The following TRRAP variants were observed in gnomAD, a reference collection of about 807,000 sequenced individuals.
TRRAP encodes the protein transformation/transcription domain-associated protein.
TRRAP carries 41 observed loss-of-function variants against 438.8 expected under a neutral mutation model. The observed-to-expected ratio is 0.09, with a 90% CI of 0.07 to 0.12. The LOEUF is 0.12. Among genes scored for constraint, TRRAP ranks in the 10% least tolerant of loss-of-function variants. The pLI is 1.00. For synonymous variants in TRRAP, 1,994 were observed against 1,962.9 expected, an observed-to-expected ratio of 1.02 and a Z score of -0.42; for missense variants, 3,122 against 5,055.1, an observed-to-expected ratio of 0.62 and a Z score of 11.60.
chr7:98,895,118 C>T (rs540382116), intron 6 of TRRAP, among the ~76,000 whole-genome samples: 22 of 152,116 alleles, frequency 1.4e-4, no homozygotes, highest in Non-Finnish European at 2.5e-4. Context: ...GTTGCCCAGG[C>T]TGGTCTCAAA....
chr7:98,966,700 T>C (rs562101604), intron 49 of TRRAP, among the ~76,000 whole-genome samples: 1 of 152,144 alleles, frequency 6.6e-6, no homozygotes, highest in East Asian at 1.9e-4. Context: ...AAAAAAAAAG[T>C]TGTTAAATGA....
intron 63 of TRRAP, among the ~76,000 whole-genome samples, chr7:98,989,774 A>T (rs996226691): frequency 6.6e-6 from 1 of 152,190 alleles, no homozygotes. Flanking sequence ...CGGGGTGATG[A>T]GCATCTGAGA....
chr7:98,932,860 G>C (rs1360645850), intron 26 of TRRAP, among the ~76,000 whole-genome samples: 1 of 152,100 alleles, frequency 6.6e-6, no homozygotes, highest in African/African-American at 2.4e-5. Context: ...GACACAGAGG[G>C]CTAGCTCTAC....
At chr7:98,985,106 T>G (rs1205322657) in intron 62 of TRRAP, 62 bp downstream of exon 62, 1 of 1,242,874 alleles carries the variant, frequency 8.0e-7, no homozygotes. Context: ...AAGTTATTTA[T>G]AACCTGAAGC....
At chr7:98,887,799 TG>T (rs1410842995) in intron 3 of TRRAP, among the ~76,000 whole-genome samples, 1 of 151,656 alleles carries the variant, frequency 6.6e-6, no homozygotes, top group African/African-American at 2.4e-5. Context: ...GATTTTTGAC[TG>T]TTTCACTGTC....
At chr7:98,993,760 A>G (rs749489366) in intron 66 of TRRAP, 23 bp downstream of exon 66, 34 of 1,612,648 alleles carry the variant, frequency 2.1e-5, no homozygotes, top group Non-Finnish European at 2.8e-5. Flanking sequence ...GATCTTGCAC[A>G]TGGTGGCTCC....
At chr7:98,935,166 T>C (rs10487144) in intron 27 of TRRAP, among the ~76,000 whole-genome samples, 4,855 of 152,210 alleles carry the variant, frequency 0.032, 84 homozygotes, top group South Asian at 0.053. Flanking sequence ...CACTTAAATA[T>C]TTGAATTATA....
intron 31 of TRRAP, among the ~76,000 whole-genome samples, chr7:98,945,316 C>T (rs1790999525): frequency 6.6e-6 from 1 of 152,200 alleles, no homozygotes; most frequent in Non-Finnish European, 1.5e-5. Flanking sequence ...CCATTGGGTG[C>T]GGTGATGGCC....
intron 1 of TRRAP, 65 bp from the exon 2 acceptor site, chr7:98,881,025 A>AT: frequency 1.6e-6 from 1 of 628,578 alleles, no homozygotes; most frequent in Non-Finnish European, 2.6e-6. Context: ...TTTAGGTAAG[A>AT]TTTTCACAGA....
rs1796288995 is a variant in TRRAP, at chr7:98,897,819, A to G, written c.586A>G (p.Ile196Val). The G allele has an allele frequency of 1.2e-6, 2 of 1,613,946 alleles. No homozygotes were observed. The highest frequency in any genetic ancestry group is 1.7e-6 in the Non-Finnish European group (2 of 1,180,026). The change falls in exon 8 of 73, where the codon ATT becomes GTT. Residue 196 changes from isoleucine (I) to valine (V), a missense_variant. Ile to Val is a conservative substitution (Grantham distance 29, BLOSUM62 3). This residue lies in a region of TRRAP where 343 missense variants were observed against 564.0 expected (regional missense o/e 0.61). Transcript: ENST00000456197. ...PPEMVGMITT[I>V]AVKVNPERED... Reference sequence around the variant, plus strand: ...AGAAATGGTTGGTATGATAACAACGATTGCTGTGAAAGTCAACCCGGAGCG... The same window carrying G: ...AGAAATGGTTGGTATGATAACAACGGTTGCTGTGAAAGTCAACCCGGAGCG...
At chr7:98,965,995 T>G (rs1237819830) in intron 49 of TRRAP, 100 bp downstream of exon 49, 9 of 1,358,014 alleles carry the variant, frequency 6.6e-6, no homozygotes, top group Non-Finnish European at 8.2e-6. Context: ...AACATTTTTT[T>G]CTGCTGTAAT....
In TRRAP at chr7:98,953,346, C is replaced by T. The variant is rs375782722; in HGVS notation, c.5643C>T (p.Cys1881=). The T allele has an allele frequency of 5.8e-5, 93 of 1,613,846 alleles. No homozygotes were observed. Among genetic ancestry groups the T allele is most frequent in the Middle Eastern group, 4.9e-4 (3 of 6,084 alleles). ...FAWPCLLSKA[C]VDPACKYSGH... ...GGCCCTGCCTGCTCTCCAAGGCCTG[C>T]GTGGACCCAGCCTGCAAGTACAGCG... The change falls in exon 40 of 73, where the codon TGC becomes TGT. Residue 1881 remains cysteine (C), a synonymous_variant. Transcript: ENST00000456197.
chr7:98,879,345 G>A (rs1413662466), intron 1 of TRRAP, among the ~76,000 whole-genome samples: 15 of 152,252 alleles, frequency 9.9e-5, no homozygotes, highest in Admixed American at 9.8e-4. Context: ...GAAGGGGGAA[G>A]TTTGGACAGG....
chr7:98,962,288 C>T lies in TRRAP; in HGVS notation c.6704-14C>T. On this transcript the variant is annotated splice_polypyrimidine_tract_variant and intron_variant, in intron 46 of 72. Transcript: ENST00000456197. ...AGCCATAACCACAGTGCCTGGGTCC[C>T]TGCCCTGTTGTAGGTACTTCCAGTG... 5 of 1,614,088 alleles carry T rather than the reference C, an allele frequency of 3.1e-6. No individual in the cohort carries two copies. The highest frequency in any genetic ancestry group is 4.2e-6 in the Non-Finnish European group (5 of 1,179,960).
rs782293175 is a variant in TRRAP, at chr7:98,931,559, T to C, written c.3746T>C (p.Val1249Ala). The C allele has an allele frequency of 1.4e-5, 23 of 1,614,158 alleles. No homozygotes were observed. Among genetic ancestry groups the C allele is most frequent in the Non-Finnish European group, 1.9e-5 (22 of 1,180,028 alleles). Residue 1249 changes from valine to alanine, a missense_variant, in exon 26 of 73, where the codon GTC (valine) becomes GCC (alanine). Physicochemically the swap from Val to Ala is moderately conservative, Grantham distance 64 (BLOSUM62 0). Transcript: ENST00000456197. The stretch of plus-strand genomic sequence containing the variant: ...GTGACACACGACTTGGTTCGAGAAG[T>C]CACCTCTCCAAACTCCACTGTGAGG... ...HHVTHDLVREVTSPNSTVRKQ... is the reference protein window; with the variant it reads ...HHVTHDLVREATSPNSTVRKQ...
At chr7:98,900,505 G>T in intron 10 of TRRAP, 119 bp from the exon 11 acceptor site, 1 of 762,476 alleles carries the variant, frequency 1.3e-6, no homozygotes, top group South Asian at 1.8e-5. Context: ...TATTGTTGCT[G>T]TGTTGTTTGG....
intron 6 of TRRAP, 90 bp from the exon 7 acceptor site, chr7:98,895,674 G>T: frequency 9.1e-7 from 1 of 1,101,754 alleles, no homozygotes; most frequent in South Asian, 1.7e-5. Context: ...GAGTTCTTAC[G>T]TAGTAAGACA....
At chr7:98,889,498 G>A (rs778054352) in intron 3 of TRRAP, among the ~76,000 whole-genome samples, 1 of 150,952 alleles carries the variant, frequency 6.6e-6, no homozygotes, top group Non-Finnish European at 1.5e-5. Flanking sequence ...CCCAGAAACT[G>A]CCCTAGTATC....
chr7:98,978,437 G>A, intron 57 of TRRAP, 114 bp downstream of exon 57: 1 of 951,486 alleles, frequency 1.1e-6, no homozygotes, highest in Non-Finnish European at 1.6e-6. Flanking sequence ...CTACTTTATG[G>A]CCACATAAAG....
Sources: gnomAD v4.1 joint callset for allele counts (sites outside exome capture counted in the v4.1 genomes callset) on GRCh38, gnomAD v4.1.1 for gene constraint, gnomAD v4.1.1 regional missense constraint, MANE v1.5 for transcripts, NCBI Gene and HGNC (gene_info 2026-07-23, HGNC 2026-07-21) for gene names.